The following PPARGC1A variants were observed in gnomAD, a reference collection of about 807,000 sequenced individuals.
PPARGC1A encodes the protein peroxisome proliferator-activated receptor gamma coactivator 1-alpha.
Under a neutral mutation model 88.7 loss-of-function variants are expected in PPARGC1A, and 25 were observed. The ratio of observed to expected loss-of-function variants is 0.28; its 90% CI spans 0.21 to 0.39. The LOEUF is 0.39. Among genes scored for constraint, PPARGC1A ranks in the 10% least tolerant of loss-of-function variants. The pLI, the probability that PPARGC1A is intolerant of heterozygous loss-of-function variation, is 1.00. For missense variants in PPARGC1A, 880 were observed against 968.7 expected (o/e 0.91, Z 1.22); for synonymous variants, 363 against 355.6 (o/e 1.02, Z -0.24).
chr4:24,049,127 CAT>C, the PPARGC1A span, among the ~76,000 whole-genome samples: 1 of 150,796 alleles, frequency 6.6e-6, no homozygotes, highest in Non-Finnish European at 1.5e-5. Flanking sequence ...TACACACATA[CAT>C]GTGTGTGCGT....
chr4:24,401,088 G>A, the PPARGC1A span, among the ~76,000 whole-genome samples: 1 of 126,258 alleles, frequency 7.9e-6, no homozygotes, highest in Non-Finnish European at 1.6e-5. Flanking sequence ...GCGCGATCTT[G>A]GCTCACTTCA....
chr4:24,352,329 A>T, the PPARGC1A span, among the ~76,000 whole-genome samples: 2 of 152,322 alleles, frequency 1.3e-5, no homozygotes, highest in South Asian at 4.1e-4. Flanking sequence ...GTCAGAAGCC[A>T]GGTGAGAGTG....
chr4:24,440,359 A>G, the PPARGC1A span, among the ~76,000 whole-genome samples: 1 of 152,046 alleles, frequency 6.6e-6, no homozygotes, highest in Non-Finnish European at 1.5e-5. Context: ...TTTAATTCCC[A>G]TGGAAGGGAA....
chr4:23,925,553 A>G, the PPARGC1A span, among the ~76,000 whole-genome samples: 4 of 152,222 alleles, frequency 2.6e-5, no homozygotes, highest in African/African-American at 9.6e-5. Flanking sequence ...GAGGACAAAC[A>G]TTTCATAAAA....
At chr4:24,466,734 G>A in the PPARGC1A span, among the ~76,000 whole-genome samples, 3 of 151,964 alleles carry the variant, frequency 2.0e-5, no homozygotes, top group South Asian at 4.2e-4. Flanking sequence ...GGCCAACATG[G>A]TGAAACCTCA....
the PPARGC1A span, among the ~76,000 whole-genome samples, chr4:24,424,065 G>T: frequency 1.3e-5 from 2 of 151,998 alleles, no homozygotes; most frequent in African/African-American, 4.8e-5. Flanking sequence ...AAAACTTGGG[G>T]GAAACTTTTA....
chr4:24,257,944 A>G, the PPARGC1A span, among the ~76,000 whole-genome samples: 5,251 of 152,236 alleles, frequency 0.034, 231 homozygotes, highest in East Asian at 0.12. Context: ...ATATACAGAC[A>G]TATTTAGTCC....
At chr4:24,330,643 A>G in the PPARGC1A span, among the ~76,000 whole-genome samples, 92 of 152,268 alleles carry the variant, frequency 6.0e-4, 1 homozygote, top group African/African-American at 2.0e-3. Flanking sequence ...AAGCCACTAG[A>G]TTGTGGGGAG....
chr4:24,311,004 AAAG>A, the PPARGC1A span, among the ~76,000 whole-genome samples: 18 of 152,142 alleles, frequency 1.2e-4, no homozygotes, highest in African/African-American at 3.9e-4. Flanking sequence ...TAAATACTAC[AAAG>A]AAGAACCAAA....
chr4:24,257,411 C>T, the PPARGC1A span, among the ~76,000 whole-genome samples: 1 of 152,126 alleles, frequency 6.6e-6, no homozygotes, highest in Non-Finnish European at 1.5e-5. Context: ...AATGTCAAAC[C>T]ATGGGTTAAG....
chr4:23,814,630 A>T (rs1721606707), intron 7 of PPARGC1A, 25 bp from the exon 8 acceptor site: 1 of 1,479,572 alleles, frequency 6.8e-7, no homozygotes, highest in African/African-American at 1.4e-5. Context: ...AAAAAAAAAA[A>T]AAAAAAGAGA....
the PPARGC1A span, among the ~76,000 whole-genome samples, chr4:24,314,384 G>A: frequency 6.6e-6 from 1 of 152,128 alleles, no homozygotes; most frequent in African/African-American, 2.4e-5. Flanking sequence ...TAAAAGGGCT[G>A]GAGGGAACTA....
the PPARGC1A span, among the ~76,000 whole-genome samples, chr4:23,995,990 A>G: frequency 1.3e-5 from 2 of 152,202 alleles, no homozygotes; most frequent in Admixed American, 1.3e-4. Flanking sequence ...GAAGATTCTC[A>G]ACAGTGCAAA....
upstream of PPARGC1A, among the ~76,000 whole-genome samples, chr4:23,893,291 A>G (rs1577680972): frequency 6.6e-6 from 1 of 152,244 alleles, no homozygotes; most frequent in East Asian, 1.9e-4. Context: ...GGCTTTTCCC[A>G]TCCCTCCATA....
chr4:23,945,896 T>C, the PPARGC1A span, among the ~76,000 whole-genome samples: 8 of 152,170 alleles, frequency 5.3e-5, no homozygotes, highest in African/African-American at 1.9e-4. Flanking sequence ...GTGACTCACA[T>C]GTCATCATGG....
chr4:24,404,874 TC>T, the PPARGC1A span, among the ~76,000 whole-genome samples: 2 of 152,328 alleles, frequency 1.3e-5, no homozygotes, highest in African/African-American at 4.8e-5. Flanking sequence ...TGCAGCTTTT[TC>T]CCTCCTGAGT....
intron 7 of PPARGC1A, chr4:23,820,446 C>T (rs1050409715): frequency 1.4e-5 from 3 of 217,836 alleles, no homozygotes; most frequent in East Asian, 1.3e-4. Flanking sequence ...CAAATTCCTT[C>T]GTGTCTGTGG....
the PPARGC1A span, among the ~76,000 whole-genome samples, chr4:24,272,546 T>C: frequency 6.6e-6 from 1 of 152,232 alleles, no homozygotes; most frequent in Non-Finnish European, 1.5e-5. Flanking sequence ...AAATTCATTA[T>C]TCTAATATAA....
chr4:24,446,591 ATTTT>A, the PPARGC1A span, among the ~76,000 whole-genome samples: 1 of 134,880 alleles, frequency 7.4e-6, no homozygotes, highest in Non-Finnish European at 1.6e-5. Context: ...AAAACACTGA[ATTTT>A]TTTTTTTTTT....
Sources: gnomAD v4.1 joint callset for allele counts (sites outside exome capture counted in the v4.1 genomes callset) on GRCh38, gnomAD v4.1.1 for gene constraint, MANE v1.5 for transcripts, NCBI Gene and HGNC (gene_info 2026-07-23, HGNC 2026-07-21) for gene names.